RALGAPB: variants seen among roughly 807,000 people sequenced by gnomAD.
RALGAPB encodes Ral GTPase activating protein non-catalytic subunit beta, also known as ral GTPase-activating protein subunit beta.
RALGAPB carries 25 observed loss-of-function variants against 161.1 expected under a neutral mutation model. That is an observed-to-expected ratio of 0.16 (90% confidence interval 0.11 to 0.22). The LOEUF is 0.22. Among genes scored for constraint, RALGAPB ranks in the 10% least tolerant of loss-of-function variants. RALGAPB has a pLI of 1.00. For missense variants in RALGAPB, 1,391 were observed against 1,815.2 expected (o/e 0.77, Z 4.25); for synonymous variants, 629 against 626.1 (o/e 1.00, Z -0.07).
At chr20:38,555,989 T>C (rs2087573954) in intron 22 of RALGAPB, among the ~76,000 whole-genome samples, 3 of 152,140 alleles carry the variant, frequency 2.0e-5, no homozygotes, top group Non-Finnish European at 2.9e-5. Flanking sequence ...CAGGAAATAT[T>C]AATAAAGCTA....
Position 38,551,029 on chromosome 20 carries a change from T to C in RALGAPB, c.3010-42T>C. The C allele has an allele frequency of 3.1e-6, 5 of 1,599,860 alleles. No individual in the cohort carries two copies. The East Asian group carries it at 8.9e-5, about 29-fold the overall frequency. On this transcript the variant is annotated intron_variant, in intron 20 of 29. Transcript: ENST00000262879. ...AAATACATGTCATTACAGATGGGTATTGGACCCTGTGTAATAAACATAATG... is the reference window on the plus strand; with the variant it reads ...AAATACATGTCATTACAGATGGGTACTGGACCCTGTGTAATAAACATAATG...
At chr20:38,543,226 AC>A (rs1359655161) in intron 18 of RALGAPB, among the ~76,000 whole-genome samples, 1 of 152,180 alleles carries the variant, frequency 6.6e-6, no homozygotes, top group Non-Finnish European at 1.5e-5. Context: ...CTGTTCTCTC[AC>A]AATTGCTGCT....
intron 18 of RALGAPB, 83 bp from the exon 19 acceptor site, chr20:38,546,160 A>G: frequency 1.3e-6 from 2 of 1,588,676 alleles, no homozygotes; most frequent in African/African-American, 1.3e-5. Context: ...AATTCAGAAG[A>G]GTGGAAGGGG....
chr20:38,506,635 GAA>G (rs1568922564), intron 5 of RALGAPB, among the ~76,000 whole-genome samples: 1 of 152,130 alleles, frequency 6.6e-6, no homozygotes, highest in Non-Finnish European at 1.5e-5. Flanking sequence ...TTTTGTTGAA[GAA>G]ACTGGGTTGT....
At chr20:38,516,055 TG>T in intron 6 of RALGAPB, 136 bp from the exon 7 acceptor site, 1 of 616,664 alleles carries the variant, frequency 1.6e-6, no homozygotes, top group Non-Finnish European at 2.6e-6. Context: ...TTTGAATCGC[TG>T]GCCCATTAAA....
chr20:38,572,335 G>T (rs1019125400), intron 28 of RALGAPB, among the ~76,000 whole-genome samples: 1 of 152,150 alleles, frequency 6.6e-6, no homozygotes, highest in African/African-American at 2.4e-5. Context: ...TTGCTTACTT[G>T]TTTTTGGTTT....
At chr20:38,496,557 A>G (rs572565242) in intron 3 of RALGAPB, among the ~76,000 whole-genome samples, 17 of 152,294 alleles carry the variant, frequency 1.1e-4, no homozygotes, top group Non-Finnish European at 1.8e-4. Flanking sequence ...TCAGTGGTCT[A>G]CTTTGGAAAG....
intron 10 of RALGAPB, among the ~76,000 whole-genome samples, chr20:38,523,795 G>A (rs2086370163): frequency 6.6e-6 from 1 of 152,306 alleles, no homozygotes; most frequent in Admixed American, 6.5e-5. Flanking sequence ...TCTTTAGGGG[G>A]CAGGTAGAGT....
At chr20:38,515,356 C>T (rs1263366121) in intron 6 of RALGAPB, among the ~76,000 whole-genome samples, 1 of 152,190 alleles carries the variant, frequency 6.6e-6, no homozygotes, top group Non-Finnish European at 1.5e-5. Context: ...ATTTCTCAGC[C>T]TAGTTCTTTT....
At chr20:38,528,955 T>C (rs1356027469) in intron 13 of RALGAPB, among the ~76,000 whole-genome samples, 2 of 152,188 alleles carry the variant, frequency 1.3e-5, no homozygotes, top group African/African-American at 4.8e-5. Context: ...GTGCTGGGAT[T>C]ATAGGCATGA....
intron 17 of RALGAPB, 148 bp downstream of exon 17, chr20:38,540,106 T>C (rs1458636649): frequency 3.0e-6 from 2 of 665,688 alleles, no homozygotes; most frequent in Non-Finnish European, 4.6e-6. Context: ...CACTTGTCCT[T>C]TTGGGTACAA....
intron 2 of RALGAPB, among the ~76,000 whole-genome samples, chr20:38,492,001 C>T (rs900189705): frequency 6.6e-6 from 1 of 152,150 alleles, no homozygotes; most frequent in Non-Finnish European, 1.5e-5. Flanking sequence ...AATACAGTTT[C>T]CTCCCTTTTT....
intron 1 of RALGAPB, among the ~76,000 whole-genome samples, chr20:38,473,650 C>T (rs947509380): frequency 6.6e-6 from 1 of 152,148 alleles, no homozygotes; most frequent in Admixed American, 6.5e-5. Flanking sequence ...GACTTAATTA[C>T]CCAAGGTCAC....
At chr20:38,492,715 A>T (rs955627665) in intron 2 of RALGAPB, among the ~76,000 whole-genome samples, 41 of 152,354 alleles carry the variant, frequency 2.7e-4, no homozygotes, top group African/African-American at 9.4e-4. Context: ...GATATTCAAA[A>T]ATAAGTAATT....
rs778241741 is a variant in RALGAPB, at chr20:38,574,172, G to A, written c.4165G>A (p.Val1389Ile). 6.2e-6 allele frequency: 10 copies of A among 1,606,830 alleles called. No homozygotes were observed. The Admixed American group carries it at 8.6e-5, about 14-fold the overall frequency. Residue 1389 changes from valine to isoleucine, a missense_variant, in exon 29 of 30, where the codon GTT becomes ATT. Around this residue, in one of 3 missense-constraint regions of RALGAPB, gnomAD observed 436 missense variants for 527.0 expected, o/e 0.83. Coordinates refer to ENST00000262879, the MANE Select transcript of RALGAPB (RefSeq NM_020336.4). Reference protein sequence around the residue: ...SLRSTTLEKEVPVIFIHPLNT... With the variant: ...SLRSTTLEKEIPVIFIHPLNT... ...AAGATCTACAACTCTTGAAAAAGAAGTTCCTGTCATCTTCATCCACCCTTT... is the reference window on the plus strand; with the variant it reads ...AAGATCTACAACTCTTGAAAAAGAAATTCCTGTCATCTTCATCCACCCTTT...
intron 13 of RALGAPB, among the ~76,000 whole-genome samples, chr20:38,527,105 G>A (rs571089264): frequency 1.3e-5 from 2 of 152,316 alleles, no homozygotes; most frequent in South Asian, 4.1e-4. Context: ...TGGAGCAATT[G>A]ATCTCTGAGG....
In RALGAPB at chr20:38,576,015, G is replaced by A. The variant is rs376710775; in HGVS notation, c.*1048G>A. On this transcript the variant is annotated 3_prime_UTR_variant, in exon 30 of 30. Transcript: ENST00000262879. ...ACAAACATGAGTGACCACCTCTTTG[G>A]GTGGCTACTGTTAGAAATGGCTGTT... 2 of 152,250 alleles carry A rather than the reference G, an allele frequency of 1.3e-5. No homozygotes were observed. Among genetic ancestry groups the A allele is most frequent in the African/African-American group, 4.8e-5 (2 of 41,372 alleles). The allele number at this position is 152,250 out of a possible 1,614,324, so 9.4% of individuals were successfully genotyped here.
At chr20:38,479,102 C>T (rs780643141) in intron 1 of RALGAPB, among the ~76,000 whole-genome samples, 1 of 152,116 alleles carries the variant, frequency 6.6e-6, no homozygotes, top group Non-Finnish European at 1.5e-5. Flanking sequence ...CATCAGTTAC[C>T]ATATTGAATA....
In RALGAPB at chr20:38,577,368, T is replaced by G. The variant is rs1003393121; in HGVS notation, c.*2401T>G. On this transcript the variant is annotated 3_prime_UTR_variant, in exon 30 of 30. Coordinates refer to ENST00000262879, the MANE Select transcript of RALGAPB (RefSeq NM_020336.4). ...AATATTTAGTAGTCCATTGATAAAT[T>G]TGCCAGCATATGTTCTAGCCTCTGG... The G allele has an allele frequency of 6.6e-6, 1 of 152,192 alleles. No homozygotes were observed. Among genetic ancestry groups the G allele is most frequent in the South Asian group, 2.1e-4 (1 of 4,826 alleles). 9.4% of individuals were successfully genotyped at this position (152,192 alleles called of 1,614,324 possible). A position where few individuals can be genotyped will look rare whatever the true frequency, so the allele number is the denominator to read the frequency against.
Sources: gnomAD v4.1 joint callset for allele counts (sites outside exome capture counted in the v4.1 genomes callset) on GRCh38, gnomAD v4.1.1 for gene constraint, gnomAD v4.1.1 regional missense constraint, MANE v1.5 for transcripts, NCBI Gene and HGNC (gene_info 2026-07-23, HGNC 2026-07-21) for gene names.